RBFOX2: variants seen among roughly 807,000 people sequenced by gnomAD.
The protein encoded by RBFOX2 is RNA binding protein fox-1 homolog 2.
RBFOX2 carries 10 observed loss-of-function variants against 49.1 expected under a neutral mutation model. The ratio of observed to expected loss-of-function variants is 0.20; its 90% CI spans 0.13 to 0.35. The LOEUF (loss-of-function observed/expected upper bound fraction) is 0.35. Among genes scored for constraint, RBFOX2 ranks in the 10% least tolerant of loss-of-function variants. RBFOX2 has a pLI of 1.00. For synonymous variants in RBFOX2, 183 were observed against 187.4 expected (o/e 0.98, Z 0.19); for missense variants, 323 against 486.9 (o/e 0.66, Z 3.17).
At chr22:35,983,244 C>T (rs1457109780) in intron 1 of RBFOX2, among the ~76,000 whole-genome samples, 2 of 152,208 alleles carry the variant, frequency 1.3e-5, no homozygotes, top group African/African-American at 4.8e-5. Flanking sequence ...GCTCTGCAAC[C>T]AGGAGGCTTT....
At chr22:35,974,012 C>CGT (rs1373338323) in intron 1 of RBFOX2, among the ~76,000 whole-genome samples, 1 of 152,194 alleles carries the variant, frequency 6.6e-6, no homozygotes, top group African/African-American at 2.4e-5. Context: ...CCTCCTGGAA[C>CGT]GTGGAAAGCT....
At chr22:35,787,836 G>A (rs1946737900) in intron 2 of RBFOX2, among the ~76,000 whole-genome samples, 2 of 152,108 alleles carry the variant, frequency 1.3e-5, no homozygotes, top group Admixed American at 6.5e-5. Flanking sequence ...CCGACCTAAC[G>A]TATCCACTGG....
At chr22:35,799,432 C>G (rs545896565) in intron 2 of RBFOX2, among the ~76,000 whole-genome samples, 52 of 152,274 alleles carry the variant, frequency 3.4e-4, no homozygotes, top group African/African-American at 1.2e-3. Flanking sequence ...GCAGAAGCTT[C>G]TAGCCCAAGG....
upstream of RBFOX2, among the ~76,000 whole-genome samples, chr22:35,963,006 T>C (rs2056329642): frequency 7.0e-6 from 1 of 142,400 alleles, no homozygotes; most frequent in Non-Finnish European, 1.5e-5. Context: ...ACAGGAAAAT[T>C]GTATTTTCAG....
exon 12 of RBFOX2, chr22:35,739,918 C>T (rs2145605644): frequency 6.5e-6 from 1 of 152,740 alleles, no homozygotes; most frequent in East Asian, 1.9e-4. Context: ...TCCCTGCCAA[C>T]CAGCACTACC....
At chr22:35,921,205 G>A (rs1420488945) in intron 1 of RBFOX2, among the ~76,000 whole-genome samples, 19 of 152,180 alleles carry the variant, frequency 1.2e-4, no homozygotes, top group Non-Finnish European at 2.5e-4. Flanking sequence ...CTGTTCTCAT[G>A]TGGAAAATGA....
chr22:35,831,699 T>G (rs1956834101), intron 1 of RBFOX2, among the ~76,000 whole-genome samples: 1 of 152,186 alleles, frequency 6.6e-6, no homozygotes, highest in South Asian at 2.1e-4. Context: ...ATCTTTGCTC[T>G]CAGTTAAGAG....
At chr22:35,857,595 G>C (rs780628125) in intron 1 of RBFOX2, among the ~76,000 whole-genome samples, 6 of 152,138 alleles carry the variant, frequency 3.9e-5, no homozygotes, top group Non-Finnish European at 8.8e-5. Context: ...GAGAGGTCAG[G>C]GTTAGACACG....
intron 1 of RBFOX2, among the ~76,000 whole-genome samples, chr22:35,882,429 C>T (rs538912369): frequency 1.3e-5 from 2 of 152,246 alleles, no homozygotes; most frequent in African/African-American, 2.4e-5. Flanking sequence ...CTGATATAAT[C>T]AGATATAATC....
upstream of RBFOX2, among the ~76,000 whole-genome samples, chr22:35,844,623 T>G (rs1455468416): frequency 6.6e-6 from 1 of 151,176 alleles, no homozygotes; most frequent in Non-Finnish European, 1.5e-5. Context: ...GCCTCCCAAG[T>G]AGCTGGGATT....
At chr22:35,980,297 C>T (rs1341355996) in intron 1 of RBFOX2, among the ~76,000 whole-genome samples, 1 of 152,116 alleles carries the variant, frequency 6.6e-6, no homozygotes, top group Admixed American at 6.5e-5. Flanking sequence ...TGGGGATCTC[C>T]AACTATTCCT....
chr22:36,009,616 T>C (rs1603466087), intron 1 of RBFOX2, among the ~76,000 whole-genome samples: 1 of 151,832 alleles, frequency 6.6e-6, no homozygotes, highest in South Asian at 2.1e-4. Flanking sequence ...CTCAAATTCC[T>C]GGGCTCAAGT....
chr22:35,953,088 G>T (rs777533853), intron 1 of RBFOX2, among the ~76,000 whole-genome samples: 1 of 151,766 alleles, frequency 6.6e-6, no homozygotes. Context: ...GCGGGTGCCT[G>T]TAGTTCCAGC....
At chr22:35,885,888 A>C (rs1261960561) in intron 1 of RBFOX2, among the ~76,000 whole-genome samples, 1 of 110,122 alleles carries the variant, frequency 9.1e-6, no homozygotes, top group Non-Finnish European at 1.7e-5. Context: ...ACAGAGTCTC[A>C]CTCTGTTGCC....
intron 1 of RBFOX2, among the ~76,000 whole-genome samples, chr22:35,891,849 C>CAA (rs969989329): frequency 7.4e-5 from 8 of 108,676 alleles, no homozygotes; most frequent in East Asian, 5.1e-4. Flanking sequence ...CTGTGCAACG[C>CAA]AAAAAAAAAA....
intron 11 of RBFOX2, among the ~76,000 whole-genome samples, chr22:35,744,636 T>C (rs572664661): frequency 3.9e-4 from 60 of 152,344 alleles, no homozygotes; most frequent in South Asian, 2.5e-3. Flanking sequence ...CACCAGTTTC[T>C]CCTTCTCACA....
rs1158936385 is a variant in RBFOX2 at position 35,821,602 on chromosome 22, CAAAAAAAAAAA to C, written c.28-11609_28-11599del. Among the ~76,000 whole-genome samples the C allele has an allele frequency of 2.5e-3, 92 of 36,448 alleles. 1 individual carries two copies. Among genetic ancestry groups the C allele is most frequent in the African/African-American group, 4.2e-3 (64 of 15,416 alleles). 23.9% of individuals were successfully genotyped at this position (36,448 alleles called of 152,430 possible). On this transcript the variant is annotated intron_variant, in intron 1 of 11. Coordinates refer to ENST00000405409, the Ensembl canonical transcript of RBFOX2. The stretch of plus-strand genomic sequence containing the variant: ...GGGGGACAGAGTGAGACTCCGTCTC[CAAAAAAAAAAA>C]AAAAAAAAAAAAAAAAAAGCAGTAG...
intron 1 of RBFOX2, among the ~76,000 whole-genome samples, chr22:35,950,044 G>A (rs1442768604): frequency 3.3e-5 from 5 of 150,530 alleles, no homozygotes; most frequent in East Asian, 1.9e-4. Context: ...TATAGTTTTA[G>A]CTCTTATGTT....
chr22:36,006,573 C>T (rs2058626446), intron 1 of RBFOX2, among the ~76,000 whole-genome samples: 1 of 152,142 alleles, frequency 6.6e-6, no homozygotes, highest in Admixed American at 6.5e-5. Flanking sequence ...CAGTGCCCAG[C>T]CAGCTTGGTG....
Sources: allele counts gnomAD v4.1 joint callset (sites outside exome capture counted in the v4.1 genomes callset), GRCh38; gene constraint gnomAD v4.1.1; transcripts MANE v1.5; gene names NCBI Gene and HGNC (gene_info 2026-07-23, HGNC 2026-07-21).